The following NCAM2 variants were observed in gnomAD, a reference collection of about 807,000 sequenced individuals.
The protein encoded by NCAM2 is N-CAM-2.
In NCAM2, 30 loss-of-function variants were observed where a neutral mutation model predicts 98.1. The ratio of observed to expected loss-of-function variants is 0.31; its 90% CI spans 0.23 to 0.41. The LOEUF (loss-of-function observed/expected upper bound fraction) is 0.41. Among genes scored for constraint, NCAM2 ranks in the 10% least tolerant of loss-of-function variants. The probability of loss-of-function intolerance (pLI) is 1.00; values close to 1 mark genes in which losing one functional copy is unlikely to be tolerated. For missense variants in NCAM2, 867 were observed against 1,005.8 expected (o/e 0.86, Z 1.87); for synonymous variants, 368 against 342.4 (o/e 1.07, Z -0.83).
intron 1 of NCAM2, among the ~76,000 whole-genome samples, chr21:21,000,718 A>T (rs947493651): frequency 1.3e-5 from 2 of 152,060 alleles, no homozygotes; most frequent in Non-Finnish European, 2.9e-5. Context: ...TATATCAGAG[A>T]GACGTAGCTT....
chr21:21,015,598 A>C (rs534110872), intron 1 of NCAM2, among the ~76,000 whole-genome samples: 15 of 152,316 alleles, frequency 9.8e-5, no homozygotes, highest in Admixed American at 9.2e-4. Context: ...GAAAACCAAA[A>C]AAAATTGTGT....
At chr21:21,162,920 C>T (rs914392547) in intron 1 of NCAM2, among the ~76,000 whole-genome samples, 1 of 152,018 alleles carries the variant, frequency 6.6e-6, no homozygotes, top group Non-Finnish European at 1.5e-5. Context: ...TTTAAGTTTG[C>T]CACTTAGAAG....
intron 11 of NCAM2, among the ~76,000 whole-genome samples, chr21:21,429,173 G>C (rs1468257753): frequency 6.6e-6 from 1 of 152,198 alleles, no homozygotes; most frequent in Admixed American, 6.5e-5. Context: ...CAGCAGATCT[G>C]AAAACGGACT....
intron 1 of NCAM2, among the ~76,000 whole-genome samples, chr21:21,070,310 C>A: frequency 6.7e-6 from 1 of 150,088 alleles, no homozygotes; most frequent in South Asian, 2.1e-4. Context: ...AATATGTTAT[C>A]AATTTATGGA....
intron 1 of NCAM2, among the ~76,000 whole-genome samples, chr21:21,093,019 TA>T (rs5842883): frequency 1 from 152,168 of 152,168 alleles, 76,084 homozygotes; most frequent in Non-Finnish European, 1. Context: ...TGAGCTTTCA[TA>T]AACTTTCGTC....
At chr21:21,520,271 T>A (rs1988941485) in intron 16 of NCAM2, among the ~76,000 whole-genome samples, 1 of 152,090 alleles carries the variant, frequency 6.6e-6, no homozygotes, top group African/African-American at 2.4e-5. Flanking sequence ...GAACCACATT[T>A]TAATTTAAAA....
At chr21:21,243,853 AGATAGAGTT>A (rs2071163983) in intron 1 of NCAM2, among the ~76,000 whole-genome samples, 1 of 152,190 alleles carries the variant, frequency 6.6e-6, no homozygotes, top group South Asian at 2.1e-4. Flanking sequence ...AAGGAAAGTA[AGATAGAGTT>A]GATCTTTAAC....
chr21:21,050,811 G>A (rs4816841), intron 1 of NCAM2, among the ~76,000 whole-genome samples: 143,194 of 152,254 alleles, frequency 0.94, 67,949 homozygotes, highest in East Asian at 1. Context: ...CTTGCCATAC[G>A]TAGACACTAC....
intron 1 of NCAM2, among the ~76,000 whole-genome samples, chr21:21,119,497 A>C (rs1191322042): frequency 6.6e-6 from 1 of 152,208 alleles, no homozygotes; most frequent in Non-Finnish European, 1.5e-5. Context: ...GGGAAGCAGT[A>C]ATTGCTCTGC....
intron 14 of NCAM2, among the ~76,000 whole-genome samples, 194 bp downstream of exon 14, chr21:21,468,977 C>T (rs1984081640): frequency 6.6e-6 from 1 of 151,776 alleles, no homozygotes; most frequent in Non-Finnish European, 1.5e-5. Flanking sequence ...CATGGATCAT[C>T]AAAGTATTCT....
At chr21:21,467,837 G>T (rs1386531492) in intron 13 of NCAM2, among the ~76,000 whole-genome samples, 1 of 151,802 alleles carries the variant, frequency 6.6e-6, no homozygotes, top group East Asian at 1.9e-4. Flanking sequence ...TCCATCCTGG[G>T]TGACAGAGTG....
At chr21:21,227,903 T>C (rs2070453586) in intron 1 of NCAM2, among the ~76,000 whole-genome samples, 1 of 151,764 alleles carries the variant, frequency 6.6e-6, no homozygotes, top group African/African-American at 2.4e-5. Context: ...TTATGATTGT[T>C]AAGTAAGGGA....
At chr21:21,211,742 C>G (rs537913664) in intron 1 of NCAM2, among the ~76,000 whole-genome samples, 1 of 152,144 alleles carries the variant, frequency 6.6e-6, no homozygotes, top group East Asian at 1.9e-4. Flanking sequence ...ATGTCCCTTT[C>G]GTTTATTTCT....
chr21:21,468,974 C>A (rs548322987), intron 14 of NCAM2, among the ~76,000 whole-genome samples, 191 bp downstream of exon 14: 1 of 151,908 alleles, frequency 6.6e-6, no homozygotes, highest in South Asian at 2.1e-4. Context: ...AAGCATGGAT[C>A]ATCAAAGTAT....
chr21:21,340,280 T>C (rs1181329740), intron 8 of NCAM2, among the ~76,000 whole-genome samples: 1 of 151,990 alleles, frequency 6.6e-6, no homozygotes, highest in African/African-American at 2.4e-5. Context: ...TTCTCAAAGA[T>C]AGTTTTTACT....
intron 11 of NCAM2, among the ~76,000 whole-genome samples, chr21:21,426,222 C>G (rs138306158): frequency 1.8e-4 from 28 of 152,030 alleles, no homozygotes; most frequent in Non-Finnish European, 3.4e-4. Flanking sequence ...ATGATCGAAA[C>G]AAGAAAAATG....
At chr21:21,480,993 A>G (rs1254101989) in intron 15 of NCAM2, among the ~76,000 whole-genome samples, 1 of 152,212 alleles carries the variant, frequency 6.6e-6, no homozygotes, top group African/African-American at 2.4e-5. Flanking sequence ...TTGGTTAGAT[A>G]TGTGGGCGTA....
At chr21:21,209,600 T>C (rs1196105520) in intron 1 of NCAM2, among the ~76,000 whole-genome samples, 1 of 152,044 alleles carries the variant, frequency 6.6e-6, no homozygotes, top group Non-Finnish European at 1.5e-5. Flanking sequence ...CAGCTAGTCA[T>C]GGAAGTGGGT....
At position 21,468,868 on chromosome 21, in the gene NCAM2, G is replaced by A. The variant is rs962997359; in HGVS notation, c.1896+85G>A. The A allele has an allele frequency of 3.3e-6, 4 of 1,197,690 alleles. No individual in the cohort carries two copies. The African/African-American group carries it at 6.2e-5, about 19-fold the overall frequency. The allele number at this position is 1,197,690 out of a possible 1,614,324, so 74.2% of individuals were successfully genotyped here. A position where few individuals can be genotyped will look rare whatever the true frequency, so the allele number is the denominator to read the frequency against. On this transcript the variant is annotated intron_variant, in intron 14 of 17. Transcript: ENST00000400546. ...CTGAATTTATAAACATATCAGGAGA[G>A]AATGTGTATTTAGTAATTGTGGTAA...
Sources: allele counts gnomAD v4.1 joint callset (sites outside exome capture counted in the v4.1 genomes callset), GRCh38; gene constraint gnomAD v4.1.1; transcripts MANE v1.5; gene names NCBI Gene and HGNC (gene_info 2026-07-23, HGNC 2026-07-21).